Variants in LRP1B observed in about 807,000 individuals in gnomAD.
LRP1B encodes the protein low-density lipoprotein receptor-related protein 1B.
A neutral mutation model predicts 556.6 loss-of-function variants in LRP1B; 217 were observed. The observed-to-expected ratio is 0.39, with a 90% confidence interval of 0.35 to 0.44. The LOEUF (loss-of-function observed/expected upper bound fraction) is 0.44, where lower values mean the gene tolerates loss of function less well. LRP1B is among the 20% of genes least tolerant of loss of function. The pLI is 1.00. For synonymous variants in LRP1B, 2,047 were observed against 1,865.8 expected, an observed-to-expected ratio of 1.10 and a Z score of -2.50; for missense variants, 5,053 against 5,620.8, an observed-to-expected ratio of 0.90 and a Z score of 3.23.
intron 7 of LRP1B, among the ~76,000 whole-genome samples, chr2:141,132,660 C>T (rs902278308): frequency 6.6e-6 from 1 of 151,748 alleles, no homozygotes; most frequent in Non-Finnish European, 1.5e-5. Context: ...AGTTAAACAA[C>T]TAAAACTAAC....
rs193282990 is a variant in LRP1B at position 140,402,201 on chromosome 2, C to A, written c.10415-16192G>T. On this transcript the variant is annotated intron_variant, in intron 66 of 90. Transcript: ENST00000389484. ...CACATCAAGGGAACACCCCGTGGGA[C>A]AAATGAACCCAGATGGCAGGCCTTG... Among the ~76,000 whole-genome samples, 4 of 152,302 alleles carry A rather than the reference C, an allele frequency of 2.6e-5. No homozygotes were observed. In the East Asian group the frequency reaches 5.8e-4, roughly 22 times the overall value.
chr2:141,559,311 G>T (rs1686064615), intron 2 of LRP1B, among the ~76,000 whole-genome samples: 1 of 151,626 alleles, frequency 6.6e-6, no homozygotes, highest in African/African-American at 2.4e-5. Context: ...ATTTCTGTCA[G>T]CAGTGCAACT....
At chr2:141,737,406 C>T (rs1168719275) in intron 2 of LRP1B, among the ~76,000 whole-genome samples, 1 of 152,114 alleles carries the variant, frequency 6.6e-6, no homozygotes, top group African/African-American at 2.4e-5. Flanking sequence ...CCAGTGCTGA[C>T]TTACAAAAGA....
At chr2:141,097,523 A>G (rs937861829) in intron 7 of LRP1B, among the ~76,000 whole-genome samples, 1 of 152,194 alleles carries the variant, frequency 6.6e-6, no homozygotes, top group Non-Finnish European at 1.5e-5. Flanking sequence ...AAACAAAACT[A>G]AATTTACTGA....
At chr2:141,276,659 T>TTTC (rs1553486495) in intron 3 of LRP1B, among the ~76,000 whole-genome samples, 12 of 18,714 alleles carry the variant, frequency 6.4e-4, no homozygotes, top group East Asian at 0.05. Flanking sequence ...TCTTTCTTTC[T>TTTC]TTTTTTTTTT....
chr2:141,010,433 T>G (rs1427630029), intron 14 of LRP1B, among the ~76,000 whole-genome samples: 1 of 152,102 alleles, frequency 6.6e-6, no homozygotes, highest in Non-Finnish European at 1.5e-5. Context: ...AAGAATTCTT[T>G]CCTAGAGGTA....
chr2:140,315,252 T>G (rs7598950), intron 82 of LRP1B, among the ~76,000 whole-genome samples, 153 bp from the exon 83 acceptor site: 2,569 of 152,206 alleles, frequency 0.017, 79 homozygotes, highest in African/African-American at 0.059. Context: ...AAATACTATC[T>G]GAAAACAGAT....
In LRP1B at chr2:140,253,804, T is replaced by G. The variant is rs1681556706; in HGVS notation, c.13248-6642A>C. Among the ~76,000 whole-genome samples, 6 of 152,096 alleles carry G rather than the reference T, an allele frequency of 3.9e-5. No homozygotes were observed. The South Asian group carries it at 1.2e-3, about 32-fold the overall frequency. On this transcript the variant is annotated intron_variant, in intron 86 of 90. Coordinates refer to ENST00000389484, the MANE Select transcript of LRP1B (RefSeq NM_018557.3). ...ATCATAAAATTAATATTAAGTAATA[T>G]GGTGGATGTAATTGAAGACATAAAA... is the stretch of plus-strand genomic sequence containing the variant.
intron 2 of LRP1B, among the ~76,000 whole-genome samples, chr2:141,575,926 T>C (rs919257044): frequency 6.6e-6 from 1 of 151,062 alleles, no homozygotes; most frequent in African/African-American, 2.4e-5. Flanking sequence ...TAATGGCAAT[T>C]AGTCAGGAAA....
intron 41 of LRP1B, among the ~76,000 whole-genome samples, chr2:140,658,695 T>A (rs1200863028): frequency 2.6e-5 from 4 of 152,062 alleles, no homozygotes; most frequent in Non-Finnish European, 5.9e-5. Flanking sequence ...ATTTATTTAT[T>A]TATTTATTTA....
At chr2:140,695,289 G>A (rs1160418255) in intron 41 of LRP1B, among the ~76,000 whole-genome samples, 2 of 152,012 alleles carry the variant, frequency 1.3e-5, no homozygotes, top group Middle Eastern at 6.3e-3. Flanking sequence ...GAGCATATGA[G>A]AGCTTGTAGA....
chr2:140,264,136 C>G (rs1166391190), intron 86 of LRP1B, among the ~76,000 whole-genome samples: 1 of 151,358 alleles, frequency 6.6e-6, no homozygotes, highest in Non-Finnish European at 1.5e-5. Flanking sequence ...GTGTCTGATA[C>G]TTCCCTCTCT....
intron 1 of LRP1B, among the ~76,000 whole-genome samples, chr2:141,992,744 G>A (rs1317750310): frequency 1.3e-5 from 2 of 152,040 alleles, no homozygotes; most frequent in African/African-American, 4.8e-5. Context: ...CAGGATTCTG[G>A]CATGATATTT....
intron 25 of LRP1B, among the ~76,000 whole-genome samples, chr2:140,880,919 A>G (rs993089171): frequency 6.6e-5 from 10 of 152,190 alleles, no homozygotes; most frequent in Non-Finnish European, 1.2e-4. Context: ...GTATATATTC[A>G]AAGAGGCTTA....
chr2:140,378,327 T>A (rs2105183518), intron 67 of LRP1B, 41 bp from the exon 68 acceptor site: 1 of 1,077,144 alleles, frequency 9.3e-7, no homozygotes, highest in Non-Finnish European at 1.4e-6. Context: ...CTATTATATG[T>A]AAGTGCATTG....
intron 46 of LRP1B, 54 bp from the exon 47 acceptor site, chr2:140,534,194 C>G: frequency 6.6e-7 from 1 of 1,504,574 alleles, no homozygotes; most frequent in East Asian, 2.3e-5. Context: ...AATATTTGTA[C>G]AAAATGAAAA....
At chr2:141,548,554 T>C (rs1371732541) in intron 2 of LRP1B, among the ~76,000 whole-genome samples, 1 of 152,222 alleles carries the variant, frequency 6.6e-6, no homozygotes, top group African/African-American at 2.4e-5. Flanking sequence ...ACTGTTCTGC[T>C]GAGATAACAA....
chr2:141,544,346 C>CTTCTT (rs1559131306), intron 2 of LRP1B, among the ~76,000 whole-genome samples: 68 of 85,004 alleles, frequency 8.0e-4, no homozygotes, highest in Non-Finnish European at 9.1e-4. Flanking sequence ...TCTTCTTCTT[C>CTTCTT]TTCTTCTTCT....
rs1378076221 is a variant in LRP1B at position 141,365,684 on chromosome 2, G to T, written c.344-111043C>A. 1.0e-4 allele frequency among the ~76,000 whole-genome samples: 3 copies of T among 29,946 alleles called. No homozygotes were observed. In the South Asian group the frequency reaches 2.2e-3, roughly 22 times the overall value. 19.6% of individuals were successfully genotyped at this position (29,946 alleles called of 152,430 possible). On this transcript the variant is annotated intron_variant, in intron 3 of 90. Transcript: ENST00000389484. ...TTTTTTTTTTTTGAGACAGAGTCTC[G>T]CTCTGTTGCCCGGGCTGGAGTGCAG... is the stretch of plus-strand genomic sequence containing the variant.
Sources: allele counts gnomAD v4.1 joint callset (sites outside exome capture counted in the v4.1 genomes callset), GRCh38; gene constraint gnomAD v4.1.1; transcripts MANE v1.5; gene names NCBI Gene and HGNC (gene_info 2026-07-23, HGNC 2026-07-21).